Variants in TAFA1 observed in about 807,000 individuals in gnomAD.
TAFA1 encodes the protein chemokine-like protein TAFA-1.
TAFA1 carries 4 observed loss-of-function variants against 18.5 expected under a neutral mutation model. The ratio of observed to expected loss-of-function variants is 0.22; its 90% CI spans 0.11 to 0.49. TAFA1 has a LOEUF of 0.49. Among genes scored for constraint, TAFA1 ranks in the 20% least tolerant of loss-of-function variants. TAFA1 has a pLI of 0.98. For synonymous variants in TAFA1, 56 were observed against 55.2 expected, an observed-to-expected ratio of 1.01 and a Z score of -0.06; for missense variants, 147 against 169.0, an observed-to-expected ratio of 0.87 and a Z score of 0.72.
At chr3:68,313,060 T>C (rs2068546977) in intron 2 of TAFA1, among the ~76,000 whole-genome samples, 1 of 151,996 alleles carries the variant, frequency 6.6e-6, no homozygotes, top group Non-Finnish European at 1.5e-5. Context: ...CCATACACTA[T>C]CATGAGAAAA....
intron 2 of TAFA1, among the ~76,000 whole-genome samples, chr3:68,255,584 A>G (rs780044632): frequency 4.6e-5 from 7 of 152,166 alleles, no homozygotes; most frequent in Non-Finnish European, 7.4e-5. Context: ...ATGTCCGTTC[A>G]GGTGATGCCA....
At chr3:68,007,974 G>A (rs112252628) in intron 2 of TAFA1, among the ~76,000 whole-genome samples, 3 of 152,366 alleles carry the variant, frequency 2.0e-5, no homozygotes, top group African/African-American at 7.2e-5. Flanking sequence ...GCCTGCACCA[G>A]GCTGCAGCGA....
At chr3:68,102,145 AG>A (rs575142606) in intron 2 of TAFA1, among the ~76,000 whole-genome samples, 300 of 152,294 alleles carry the variant, frequency 2.0e-3, no homozygotes, top group African/African-American at 6.5e-3. Flanking sequence ...CTTTAGATTC[AG>A]TGGAAATGCT....
rs566383264 is a variant in TAFA1 at position 68,132,907 on chromosome 3, T to G, written c.118+126163T>G. The stretch of plus-strand genomic sequence containing the variant: ...AGATCCCATTTGTCAATTTTGGCTT[T>G]TGTTGCCATTGCTTTTGGTGTTTTA... On this transcript the variant is annotated intron_variant, in intron 2 of 4. Transcript: ENST00000478136. 1.4e-4 allele frequency among the ~76,000 whole-genome samples: 22 copies of G among 152,348 alleles called. 1 individual carries two copies. The South Asian group carries it at 3.9e-3, about 27-fold the overall frequency.
chr3:68,124,833 C>T (rs1051509898), intron 2 of TAFA1, among the ~76,000 whole-genome samples: 1 of 152,192 alleles, frequency 6.6e-6, no homozygotes, highest in Admixed American at 6.5e-5. Context: ...TGACATGTCA[C>T]TGTCCAAAAG....
chr3:68,479,241 A>AAATATAT lies in TAFA1; in HGVS notation c.260-59514_260-59513insATATATA, dbSNP rs1353493315. Among the ~76,000 whole-genome samples, 927 of 123,524 alleles carry AAATATAT rather than the reference A, an allele frequency of 7.5e-3. 21 individuals are homozygous for AAATATAT. The highest frequency in any genetic ancestry group is 0.03 in the African/African-American group (827 of 27,636). The allele number at this position is 123,524 out of a possible 152,430, so 81.0% of individuals were successfully genotyped here. On this transcript the variant is annotated intron_variant, in intron 3 of 4. Transcript: ENST00000478136. The stretch of plus-strand genomic sequence containing the variant: ...TGAGACTCCATCTCAAAAAAAAAAA[A>AAATATAT]ATATATATATATATATATATATGTC...
intron 2 of TAFA1, among the ~76,000 whole-genome samples, chr3:68,073,033 GA>G (rs1438613416): frequency 6.6e-6 from 1 of 152,164 alleles, no homozygotes; most frequent in African/African-American, 2.4e-5. Flanking sequence ...AAGGATTTCT[GA>G]AGAGAAAATT....
intron 2 of TAFA1, among the ~76,000 whole-genome samples, chr3:68,277,993 A>G (rs1028365113): frequency 2.0e-5 from 3 of 152,156 alleles, no homozygotes; most frequent in Non-Finnish European, 2.9e-5. Flanking sequence ...GTTATTACAA[A>G]TAAAGCCCAG....
chr3:68,065,890 A>T (rs150498213), intron 2 of TAFA1, among the ~76,000 whole-genome samples: 30 of 152,214 alleles, frequency 2.0e-4, no homozygotes, highest in African/African-American at 6.3e-4. Flanking sequence ...ATTGTGATAT[A>T]TCCATACAAT....
At chr3:68,413,386 G>A (rs938304949) in intron 2 of TAFA1, among the ~76,000 whole-genome samples, 4 of 152,044 alleles carry the variant, frequency 2.6e-5, no homozygotes, top group Non-Finnish European at 5.9e-5. Flanking sequence ...GTAAAATAAA[G>A]ATTTGTGATG....
intron 2 of TAFA1, among the ~76,000 whole-genome samples, chr3:68,320,726 A>T (rs928997992): frequency 1.3e-5 from 2 of 152,032 alleles, no homozygotes; most frequent in African/African-American, 4.8e-5. Flanking sequence ...CCTGATGAAA[A>T]CCATGTTCCA....
intron 3 of TAFA1, among the ~76,000 whole-genome samples, chr3:68,529,498 A>G (rs184154262): frequency 1.1e-3 from 165 of 149,002 alleles, no homozygotes; most frequent in Middle Eastern, 3.5e-3. Flanking sequence ...AAGAACTTCC[A>G]TAGTCTTATT....
At chr3:68,151,809 A>C (rs1401914571) in intron 2 of TAFA1, among the ~76,000 whole-genome samples, 2 of 152,188 alleles carry the variant, frequency 1.3e-5, no homozygotes. Flanking sequence ...CAAACTATGG[A>C]ACTGAGGAAT....
chr3:68,158,318 T>C (rs2065887571), intron 2 of TAFA1, among the ~76,000 whole-genome samples: 1 of 152,062 alleles, frequency 6.6e-6, no homozygotes, highest in South Asian at 2.1e-4. Flanking sequence ...TACTTTCTTA[T>C]CCATAACTCT....
chr3:68,480,276 A>G (rs1315017904), intron 3 of TAFA1, among the ~76,000 whole-genome samples: 1 of 151,386 alleles, frequency 6.6e-6, no homozygotes, highest in Non-Finnish European at 1.5e-5. Flanking sequence ...GTTGGCACTC[A>G]CCTGTAATCC....
intron 2 of TAFA1, among the ~76,000 whole-genome samples, chr3:68,369,238 T>C (rs2069633272): frequency 1.3e-5 from 2 of 152,146 alleles, no homozygotes. Flanking sequence ...ATATAAATTG[T>C]TTTATAATGA....
In TAFA1 at chr3:68,167,576, C is replaced by CAAAA. The variant is rs11395399; in HGVS notation, c.118+160839_118+160842dup. On this transcript the variant is annotated intron_variant, in intron 2 of 4. Transcript: ENST00000478136. ...TGGGTGACAGAGCAAGACTCCGTCT[C>CAAAA]AAAAAAAAAACAAAAAAAACAGAAG... 2.6e-3 allele frequency among the ~76,000 whole-genome samples: 72 copies of CAAAA among 27,852 alleles called. 3 individuals are homozygous for CAAAA. Among genetic ancestry groups the CAAAA allele is most frequent in the African/African-American group, 5.9e-3 (67 of 11,416 alleles). The allele number at this position is 27,852 out of a possible 152,430, so 18.3% of individuals were successfully genotyped here.
intron 3 of TAFA1, among the ~76,000 whole-genome samples, chr3:68,505,686 GC>G (rs11367618): frequency 0.022 from 3,316 of 152,132 alleles, 62 homozygotes; most frequent in Middle Eastern, 0.044. Flanking sequence ...GTTCCTGGCT[GC>G]CAGATGGAGC....
intron 2 of TAFA1, among the ~76,000 whole-genome samples, chr3:68,409,031 T>C (rs1038606892): frequency 2.0e-5 from 3 of 152,152 alleles, no homozygotes; most frequent in Non-Finnish European, 4.4e-5. Context: ...CTATAAATAT[T>C]ATTGTACAAG....
Sources: allele counts gnomAD v4.1 joint callset (sites outside exome capture counted in the v4.1 genomes callset), GRCh38; gene constraint gnomAD v4.1.1; transcripts MANE v1.5; gene names NCBI Gene and HGNC (gene_info 2026-07-23, HGNC 2026-07-21).